Variants in FARS2 observed in about 807,000 individuals in gnomAD.
The protein encoded by FARS2 is phenylalanine--tRNA ligase, mitochondrial.
Under a neutral mutation model 46.4 loss-of-function variants are expected in FARS2, and 40 were observed. The ratio of observed to expected loss-of-function variants is 0.86; its 90% CI spans 0.67 to 1.12. The LOEUF is 1.12. FARS2 is among the 50% of genes most tolerant of loss of function. The pLI, the probability that FARS2 is intolerant of heterozygous loss-of-function variation, is 0.00. For missense variants in FARS2, 513 were observed against 567.9 expected, an observed-to-expected ratio of 0.90 and a Z score of 0.98; for synonymous variants, 234 against 214.9, an observed-to-expected ratio of 1.09 and a Z score of -0.78.
chr6:5,709,577 C>A (rs1758978564), intron 6 of FARS2, among the ~76,000 whole-genome samples: 2 of 152,082 alleles, frequency 1.3e-5, no homozygotes, highest in African/African-American at 4.8e-5. Flanking sequence ...TTAAAGCCTA[C>A]CTCACTGTTT....
chr6:5,684,924 G>C (rs1013787797), intron 6 of FARS2, among the ~76,000 whole-genome samples: 2 of 152,158 alleles, frequency 1.3e-5, no homozygotes, highest in East Asian at 3.8e-4. Flanking sequence ...GAATTTGTGT[G>C]CCTTCCCCCT....
chr6:5,629,151 G>A lies in FARS2; in HGVS notation c.1217+15831G>A, dbSNP rs531236775. On this transcript the variant is annotated intron_variant, in intron 6 of 6. Coordinates refer to ENST00000274680, the MANE Select transcript of FARS2 (RefSeq NM_006567.5). ...GGGTTAAACACTTACCATGGGTGAG[G>A]CAGTTTGCCATCTGTGATATTTATG... is the stretch of plus-strand genomic sequence containing the variant. 5.3e-5 allele frequency among the ~76,000 whole-genome samples: 8 copies of A among 152,302 alleles called. No homozygotes were observed. The South Asian group carries it at 1.5e-3, about 28-fold the overall frequency.
At chr6:5,279,798 C>T (rs565242816) in intron 1 of FARS2, among the ~76,000 whole-genome samples, 6 of 152,092 alleles carry the variant, frequency 3.9e-5, no homozygotes, top group Non-Finnish European at 7.4e-5. Context: ...CTTTCTTACT[C>T]AGCCATTTTT....
rs1266575680 is a variant in FARS2 at position 5,727,267 on chromosome 6, C to A, written c.1218-44024C>A. On this transcript the variant is annotated intron_variant, in intron 6 of 6. Transcript: ENST00000274680. This position sits in a 1 kb window ranked among gnomAD's most constrained non-coding sequence, Gnocchi z 4.1. ...GTTCAGATGGTTCAAATGCAGCCTCCTCTATGAGGTTGGACCCCGTTCCTC... is the reference window on the plus strand; with the variant it reads ...GTTCAGATGGTTCAAATGCAGCCTCATCTATGAGGTTGGACCCCGTTCCTC... Among the ~76,000 whole-genome samples the A allele has an allele frequency of 6.6e-6, 1 of 152,208 alleles. No homozygotes were observed. The highest frequency in any genetic ancestry group is 6.5e-5 in the Admixed American group (1 of 15,282).
At chr6:5,267,298 T>G (rs1765616559) in intron 1 of FARS2, among the ~76,000 whole-genome samples, 1 of 152,200 alleles carries the variant, frequency 6.6e-6, no homozygotes, top group Admixed American at 6.5e-5. Flanking sequence ...ATTCTTTCTT[T>G]CTTGCTGCAT....
intron 4 of FARS2, among the ~76,000 whole-genome samples, chr6:5,452,935 A>C: frequency 6.6e-6 from 1 of 151,868 alleles, no homozygotes; most frequent in East Asian, 1.9e-4. Context: ...CCTGAAGCCC[A>C]CCTAATCATA....
chr6:5,252,160 A>C, the FARS2 span, among the ~76,000 whole-genome samples: 1 of 152,206 alleles, frequency 6.6e-6, no homozygotes, highest in African/African-American at 2.4e-5. Context: ...ATAAGGAGGA[A>C]CTGTGAAAAT....
At chr6:5,633,217 A>G (rs368353716) in intron 6 of FARS2, among the ~76,000 whole-genome samples, 1 of 138,644 alleles carries the variant, frequency 7.2e-6, no homozygotes, top group Non-Finnish European at 1.5e-5. Flanking sequence ...TCCTACCTCA[A>G]CCTCCTGAGT....
intron 6 of FARS2, among the ~76,000 whole-genome samples, chr6:5,616,006 C>T (rs750935736): frequency 1.1e-4 from 13 of 114,218 alleles, no homozygotes; most frequent in Non-Finnish European, 1.8e-4. Context: ...TAACCCATAG[C>T]TCTTAAAAAA....
intron 5 of FARS2, among the ~76,000 whole-genome samples, chr6:5,562,473 A>C (rs1398524864): frequency 6.6e-6 from 1 of 152,096 alleles, no homozygotes; most frequent in Non-Finnish European, 1.5e-5. Context: ...TCATGACAGG[A>C]TGTTGAAATG....
At chr6:5,585,161 G>A (rs771307640) in intron 5 of FARS2, among the ~76,000 whole-genome samples, 1 of 151,854 alleles carries the variant, frequency 6.6e-6, no homozygotes, top group African/African-American at 2.4e-5. Context: ...CTATTTTGCT[G>A]GTTTTTATTT....
At chr6:5,732,776 T>C (rs965342607) in intron 6 of FARS2, among the ~76,000 whole-genome samples, 3 of 151,906 alleles carry the variant, frequency 2.0e-5, no homozygotes, top group African/African-American at 7.3e-5. Context: ...TCTTTCTTTT[T>C]TCCACCAGAG....
At chr6:5,432,350 A>ATG (rs1562036568) in intron 4 of FARS2, among the ~76,000 whole-genome samples, 1 of 30,872 alleles carries the variant, frequency 3.2e-5, no homozygotes, top group Non-Finnish European at 7.0e-5. Context: ...ATATATATAT[A>ATG]TTATATATAT....
intron 6 of FARS2, among the ~76,000 whole-genome samples, chr6:5,646,867 C>A (rs922449712): frequency 6.6e-6 from 1 of 152,148 alleles, no homozygotes; most frequent in Non-Finnish European, 1.5e-5. Context: ...TTTTGATCCA[C>A]AGTTGGTTGA....
intron 6 of FARS2, among the ~76,000 whole-genome samples, chr6:5,720,805 G>C (rs1759843747): frequency 1.3e-5 from 2 of 152,208 alleles, no homozygotes; most frequent in Admixed American, 1.3e-4. Flanking sequence ...CCAGCACTTT[G>C]GGAGGTGGAG....
In FARS2 at chr6:5,537,911, T is replaced by A. The variant is rs368149793; in HGVS notation, c.905-7269T>A. 2.6e-5 allele frequency among the ~76,000 whole-genome samples: 4 copies of A among 152,176 alleles called. No individual in the cohort carries two copies. The South Asian group carries it at 6.2e-4, about 24-fold the overall frequency. ...TTTAAAGTTTCCCTTCTCTGGATTC[T>A]TCTCTTACATCTTTTGCTTCTGTGC... is the stretch of plus-strand genomic sequence containing the variant. On this transcript the variant is annotated intron_variant, in intron 4 of 6. Transcript: ENST00000274680.
intron 4 of FARS2, chr6:5,457,788 G>T (rs1764984216): frequency 6.6e-6 from 1 of 152,182 alleles, no homozygotes; most frequent in South Asian, 2.1e-4. Context: ...TAACTCACAA[G>T]CTGATGTGTC....
intron 6 of FARS2, among the ~76,000 whole-genome samples, chr6:5,671,820 A>C (rs1292440465): frequency 3.3e-5 from 5 of 152,194 alleles, no homozygotes; most frequent in African/African-American, 1.2e-4. Flanking sequence ...AATCGCATCA[A>C]CGCGGGGAGG....
chr6:5,664,194 T>C (rs1048166118), intron 6 of FARS2, among the ~76,000 whole-genome samples: 12 of 152,188 alleles, frequency 7.9e-5, no homozygotes, highest in African/African-American at 2.2e-4. Context: ...CCTGAAATGG[T>C]TTCATCTCTA....
Sources: allele counts gnomAD v4.1 joint callset (sites outside exome capture counted in the v4.1 genomes callset), GRCh38; gene constraint gnomAD v4.1.1; non-coding constraint Gnocchi (gnomAD v3.1); transcripts MANE v1.5; gene names NCBI Gene and HGNC (gene_info 2026-07-23, HGNC 2026-07-21).